AGBL4: variants seen among roughly 807,000 people sequenced by gnomAD.
AGBL4 encodes AGBL carboxypeptidase 4.
AGBL4 carries 58 observed loss-of-function variants against 66.4 expected under a neutral mutation model. The ratio of observed to expected loss-of-function variants is 0.87; its 90% confidence interval spans 0.71 to 1.09. The LOEUF (loss-of-function observed/expected upper bound fraction) is 1.09, where lower values mean the gene tolerates loss of function less well. Ranked by LOEUF, AGBL4 falls within the 50% of genes least tolerant of loss-of-function variation. The pLI, the probability that AGBL4 is intolerant of heterozygous loss-of-function variation, is 0.00. For missense variants in AGBL4, 579 were observed against 631.0 expected (o/e 0.92, Z 0.88); for synonymous variants, 234 against 222.9 (o/e 1.05, Z -0.44).
intron 11 of AGBL4, among the ~76,000 whole-genome samples, chr1:48,554,292 T>C (rs1644290806): frequency 6.6e-6 from 1 of 152,170 alleles, no homozygotes; most frequent in Non-Finnish European, 1.5e-5. Flanking sequence ...AAGAGACCTA[T>C]ATTTGAGCAA....
chr1:49,960,081 A>C (rs1434818429), intron 1 of AGBL4, among the ~76,000 whole-genome samples: 1 of 151,928 alleles, frequency 6.6e-6, no homozygotes, highest in African/African-American at 2.4e-5. Context: ...GCTTATTACC[A>C]TGGTGCTGAA....
At chr1:49,846,027 T>G in intron 2 of AGBL4, 1 of 1,593,532 alleles carries the variant, frequency 6.3e-7, no homozygotes, top group Non-Finnish European at 8.6e-7. Context: ...GGCAGAGCCT[T>G]CAGTCAGCTT....
chr1:49,511,875 C>T (rs1005628023), intron 3 of AGBL4, among the ~76,000 whole-genome samples: 1 of 151,896 alleles, frequency 6.6e-6, no homozygotes, highest in Admixed American at 6.6e-5. Context: ...TTGAGAAGTG[C>T]CAACATTACT....
intron 3 of AGBL4, among the ~76,000 whole-genome samples, chr1:49,509,846 C>A (rs1468863443): frequency 1.3e-5 from 2 of 151,834 alleles, no homozygotes; most frequent in Non-Finnish European, 2.9e-5. Context: ...AAATAAAGTC[C>A]ATTAATATAT....
intron 2 of AGBL4, among the ~76,000 whole-genome samples, chr1:49,841,106 A>G (rs1009804633): frequency 1.3e-5 from 2 of 152,242 alleles, no homozygotes; most frequent in African/African-American, 2.4e-5. Context: ...AGAAAACCCT[A>G]GAGACTCCAG....
intron 2 of AGBL4, among the ~76,000 whole-genome samples, chr1:49,831,633 A>G (rs1359474327): frequency 6.6e-6 from 1 of 152,192 alleles, no homozygotes; most frequent in Non-Finnish European, 1.5e-5. Flanking sequence ...CCTGGCCAGA[A>G]CTTCCAATAA....
At chr1:49,847,564 A>G (rs1646181819) in intron 2 of AGBL4, among the ~76,000 whole-genome samples, 1 of 152,234 alleles carries the variant, frequency 6.6e-6, no homozygotes, top group South Asian at 2.1e-4. Context: ...AAAATGTCAC[A>G]AAAAAGTAGA....
intron 3 of AGBL4, among the ~76,000 whole-genome samples, chr1:49,657,634 A>G (rs1441521065): frequency 6.6e-6 from 1 of 152,228 alleles, no homozygotes; most frequent in Admixed American, 6.5e-5. Flanking sequence ...TAACCAAAAC[A>G]GCATGGTACT....
chr1:49,514,629 T>C (rs944020245), intron 3 of AGBL4, among the ~76,000 whole-genome samples: 14 of 152,000 alleles, frequency 9.2e-5, no homozygotes, highest in Admixed American at 6.6e-4. Flanking sequence ...CTACCTGACT[T>C]CAAACTATAC....
At position 49,162,475 on chromosome 1, in the gene AGBL4, C is replaced by A. The variant is rs1646558605; in HGVS notation, c.377+83295G>T. 2.0e-5 allele frequency among the ~76,000 whole-genome samples: 3 copies of A among 152,098 alleles called. No homozygotes were observed. In the South Asian group the frequency reaches 6.2e-4, roughly 32 times the overall value. ...CAAATGAATAAATGTGTTATATTTG[C>A]TAAGAATTAGGGTTGGTATTTACTT... On this transcript the variant is annotated intron_variant, in intron 4 of 13. Transcript: ENST00000371839.
At chr1:49,302,369 C>T (rs1644760966) in intron 3 of AGBL4, among the ~76,000 whole-genome samples, 1 of 151,806 alleles carries the variant, frequency 6.6e-6, no homozygotes, top group Non-Finnish European at 1.5e-5. Context: ...TCTCCTGCCT[C>T]AGCCTCCCGA....
At chr1:49,262,574 A>G (rs986799682) in intron 3 of AGBL4, among the ~76,000 whole-genome samples, 1 of 152,210 alleles carries the variant, frequency 6.6e-6, no homozygotes, top group African/African-American at 2.4e-5. Context: ...ATCACTGGCC[A>G]TCAGAGAAAT....
intron 3 of AGBL4, among the ~76,000 whole-genome samples, chr1:49,582,054 G>C (rs1644552495): frequency 6.6e-6 from 1 of 152,144 alleles, no homozygotes; most frequent in Non-Finnish European, 1.5e-5. Context: ...TGAGGTAGCA[G>C]CAGGGTGTTC....
chr1:49,093,492 T>C (rs1645036448), intron 4 of AGBL4, among the ~76,000 whole-genome samples: 1 of 152,086 alleles, frequency 6.6e-6, no homozygotes, highest in Admixed American at 6.6e-5. Flanking sequence ...CTTTAAAGAA[T>C]TTGAAGATTC....
chr1:49,633,239 G>C (rs779230782), intron 3 of AGBL4, among the ~76,000 whole-genome samples: 6 of 152,136 alleles, frequency 3.9e-5, no homozygotes, highest in Non-Finnish European at 7.4e-5. Context: ...ATCAGCATCA[G>C]ATACATTTTG....
chr1:49,587,973 T>A (rs1031642931), intron 3 of AGBL4, among the ~76,000 whole-genome samples: 20 of 152,172 alleles, frequency 1.3e-4, no homozygotes, highest in Non-Finnish European at 2.4e-4. Context: ...TCAGGCCACA[T>A]CATTTCCTTC....
intron 11 of AGBL4, among the ~76,000 whole-genome samples, chr1:48,543,599 C>T (rs187001221): frequency 3.9e-5 from 6 of 152,246 alleles, no homozygotes; most frequent in Admixed American, 6.5e-5. Context: ...TGGGCAGTTG[C>T]CACAGGCCTT....
At chr1:49,775,232 T>C (rs1644167323) in intron 2 of AGBL4, among the ~76,000 whole-genome samples, 1 of 152,176 alleles carries the variant, frequency 6.6e-6, no homozygotes, top group African/African-American at 2.4e-5. Flanking sequence ...GTAAATCACT[T>C]AACTATCCCA....
At chr1:49,302,551 A>T (rs76174472) in intron 3 of AGBL4, among the ~76,000 whole-genome samples, 2 of 150,970 alleles carry the variant, frequency 1.3e-5, no homozygotes, top group Non-Finnish European at 3.0e-5. Context: ...CACTGTGCCC[A>T]GCCCACATTT....
Sources: allele counts gnomAD v4.1 joint callset (sites outside exome capture counted in the v4.1 genomes callset), GRCh38; gene constraint gnomAD v4.1.1; transcripts MANE v1.5; gene names NCBI Gene and HGNC (gene_info 2026-07-23, HGNC 2026-07-21).